TJP2: variants seen among roughly 807,000 people sequenced by gnomAD.
The protein encoded by TJP2 is Friedreich ataxia region gene X104 (tight junction protein ZO-2).
Under a neutral mutation model 133.1 loss-of-function variants are expected in TJP2, and 91 were observed. The observed-to-expected ratio is 0.68, with a 90% CI of 0.58 to 0.81. TJP2 has a LOEUF of 0.81. TJP2 is among the 40% of genes least tolerant of loss of function. The probability of loss-of-function intolerance (pLI) is 0.00; values close to 1 mark genes in which losing one functional copy is unlikely to be tolerated. For synonymous variants in TJP2, 592 were observed against 583.4 expected (o/e 1.01, Z -0.21); for missense variants, 1,541 against 1,565.6 (o/e 0.98, Z 0.26).
intron 1 of TJP2, among the ~76,000 whole-genome samples, chr9:69,207,172 A>G (rs1827496833): frequency 6.6e-6 from 1 of 152,186 alleles, no homozygotes; most frequent in South Asian, 2.1e-4. Flanking sequence ...TTTTGTTGGC[A>G]ATTTTTTACT....
rs539794415 is a variant in TJP2 at position 69,127,145 on chromosome 9, C to G, written c.-131+5420C>G. The stretch of plus-strand genomic sequence containing the variant: ...AGTGCAGTGGTGCGATCTCGGCTCA[C>G]TGCAAGCTCTGCCTCCCGGGTTCAC... On this transcript the variant is annotated intron_variant, in intron 1 of 5. Coordinates refer to the TJP2 transcript ENST00000423935. 2.5e-3 allele frequency among the ~76,000 whole-genome samples: 184 copies of G among 72,190 alleles called. 64 individuals are homozygous for G. The highest frequency in any genetic ancestry group is 7.7e-3 in the African/African-American group (180 of 23,488). 47.4% of individuals were successfully genotyped at this position (72,190 alleles called of 152,430 possible).
intron 2 of TJP2, among the ~76,000 whole-genome samples, chr9:69,164,237 A>G (rs1482772332): frequency 6.6e-6 from 1 of 152,128 alleles, no homozygotes; most frequent in African/African-American, 2.4e-5. Flanking sequence ...ATTCTTTGTG[A>G]ATCTAAGATA....
In TJP2 at chr9:69,240,038, A is replaced by G. The variant is rs988720358; in HGVS notation, c.2457A>G (p.Gln819=). 3.1e-6 allele frequency: 5 copies of G among 1,614,018 alleles called. No homozygotes were observed. The African/African-American group carries it at 4.0e-5, about 13-fold the overall frequency. The change falls in exon 17 of 23, where the codon CAA becomes CAG. Residue 819 remains glutamine, a synonymous_variant. Transcript: ENST00000377245. Reference sequence around the variant, plus strand: ...TTTTTTTCAACCCAGACTCCAGACAAGGTGTCAAAACCATGAGACAAAGGT... The same window carrying G: ...TTTTTTTCAACCCAGACTCCAGACAGGGTGTCAAAACCATGAGACAAAGGT... ...IVIFFNPDSR[Q]GVKTMRQRLN...
At chr9:69,248,279 C>A (rs1305443065) in intron 19 of TJP2, 55 bp downstream of exon 19, 1 of 1,535,818 alleles carries the variant, frequency 6.5e-7, no homozygotes, top group Non-Finnish European at 8.8e-7. Flanking sequence ...TTTCCTTGCA[C>A]TCTCGTGGAC....
chr9:69,221,421 C>G lies in TJP2; in HGVS notation c.877C>G (p.Arg293Gly). ...RSRSREHPHSRSPSPEPRGRP... is the reference protein window; with the variant it reads ...RSRSREHPHSGSPSPEPRGRP... The stretch of plus-strand genomic sequence containing the variant: ...CCGCAGCCGCGAGCACCCGCACTCA[C>G]GGAGCCCCAGCCCCGAGCCTAGGGG... The change falls in exon 5 of 23, where the codon CGG becomes GGG. Residue 293 changes from arginine to glycine, a missense_variant. Coordinates refer to ENST00000377245, the MANE Select transcript of TJP2 (RefSeq NM_004817.4). 6.3e-7 allele frequency: 1 copy of G among 1,586,486 alleles called. No homozygotes were observed. The highest frequency in any genetic ancestry group is 8.6e-7 in the Non-Finnish European group (1 of 1,166,494).
chr9:69,140,971 C>G (rs564872847), intron 1 of TJP2, among the ~76,000 whole-genome samples: 10 of 152,294 alleles, frequency 6.6e-5, no homozygotes, highest in African/African-American at 2.2e-4. Flanking sequence ...CTTAGCTTCC[C>G]AGGTAGCTGG....
intron 1 of TJP2, among the ~76,000 whole-genome samples, chr9:69,142,183 A>T (rs72724290): frequency 0.069 from 10,560 of 152,304 alleles, 513 homozygotes; most frequent in Non-Finnish European, 0.1. Flanking sequence ...GGTTATTTCC[A>T]ATAGATACTG....
chr9:69,230,624 G>A (rs1468640924), intron 11 of TJP2, among the ~76,000 whole-genome samples: 1 of 152,168 alleles, frequency 6.6e-6, no homozygotes, highest in African/African-American at 2.4e-5. Context: ...TTGAACAAAG[G>A]TGAGTGGTTG....
In TJP2 at chr9:69,236,237, A is replaced by G; in HGVS notation, c.1990A>G (p.Arg664Gly). The change falls in exon 13 of 23, where the codon AGA (arginine) becomes GGA (glycine). Residue 664 changes from arginine (R) to glycine (G), a missense_variant and splice_region_variant. Transcript: ENST00000377245. Reference protein sequence around the residue: ...LEKGLIPNKSRAEQMASVQNA... With the variant: ...LEKGLIPNKSGAEQMASVQNA... ...GAAAGGCTTAATCCCCAACAAGAGC[A>G]GGTAACAGAGATCGCATTCTCACAT... 1.2e-6 allele frequency: 2 copies of G among 1,613,846 alleles called. No homozygotes were observed. Among genetic ancestry groups the G allele is most frequent in the East Asian group, 2.2e-5 (1 of 44,868 alleles).
chr9:69,246,863 G>A (rs1830966204), intron 18 of TJP2, 73 bp downstream of exon 18: 4 of 1,340,144 alleles, frequency 3.0e-6, no homozygotes, highest in Non-Finnish European at 4.3e-6. Flanking sequence ...GGCAGTGAAT[G>A]TAGTCAAGCC....
chr9:69,179,791 G>T (rs924726947), intron 1 of TJP2, among the ~76,000 whole-genome samples: 2 of 152,136 alleles, frequency 1.3e-5, no homozygotes, highest in African/African-American at 4.8e-5. Context: ...GAGCCACCGC[G>T]CCCGGCTGAA....
chr9:69,142,173 G>T (rs1480048751), intron 1 of TJP2, among the ~76,000 whole-genome samples: 1 of 152,160 alleles, frequency 6.6e-6, no homozygotes, highest in Non-Finnish European at 1.5e-5. Context: ...TGGGCACATG[G>T]GTTATTTCCA....
chr9:69,159,204 A>T (rs1252272278), intron 2 of TJP2, among the ~76,000 whole-genome samples: 1 of 151,970 alleles, frequency 6.6e-6, no homozygotes, highest in African/African-American at 2.4e-5. Flanking sequence ...AATCCCAGCT[A>T]CTTGGGGGTG....
intron 1 of TJP2, among the ~76,000 whole-genome samples, chr9:69,186,561 C>G (rs1023444756): frequency 2.6e-5 from 4 of 152,202 alleles, no homozygotes; most frequent in African/African-American, 9.7e-5. Flanking sequence ...GATGTCCAAA[C>G]AGTTTACAGT....
chr9:69,236,907 T>C (rs1830229749), intron 13 of TJP2, 42 bp from the exon 14 acceptor site: 1 of 1,607,796 alleles, frequency 6.2e-7, no homozygotes, highest in African/African-American at 1.3e-5. Context: ...GTTAGCTGCG[T>C]TTTCTGGCTT....
At chr9:69,242,141 A>G (rs1830619249) in intron 17 of TJP2, among the ~76,000 whole-genome samples, 1 of 152,204 alleles carries the variant, frequency 6.6e-6, no homozygotes, top group Non-Finnish European at 1.5e-5. Flanking sequence ...AGGGCAGAAG[A>G]AGGCAGCCAG....
At chr9:69,151,883 T>C in intron 2 of TJP2, 1 of 1,061,806 alleles carries the variant, frequency 9.4e-7, no homozygotes, top group Non-Finnish European at 1.2e-6. Flanking sequence ...ATTTTTGATG[T>C]TGCTGATATA....
intron 1 of TJP2, among the ~76,000 whole-genome samples, chr9:69,193,934 A>G (rs890010920): frequency 6.6e-6 from 1 of 152,116 alleles, no homozygotes; most frequent in African/African-American, 2.4e-5. Flanking sequence ...TGCTAAGTAT[A>G]CCATGCAAGA....
chr9:69,190,707 A>G (rs1353554547), intron 1 of TJP2, among the ~76,000 whole-genome samples: 2 of 152,218 alleles, frequency 1.3e-5, no homozygotes, highest in African/African-American at 4.8e-5. Flanking sequence ...AGCCCCTTGC[A>G]GGTAACGACC....
Sources: allele counts gnomAD v4.1 joint callset (sites outside exome capture counted in the v4.1 genomes callset), GRCh38; gene constraint gnomAD v4.1.1; transcripts MANE v1.5; gene names NCBI Gene and HGNC (gene_info 2026-07-23, HGNC 2026-07-21).